Variants in DARS2 observed in about 807,000 individuals in gnomAD.
DARS2 encodes the protein aspartate--tRNA ligase, mitochondrial.
Under a neutral mutation model 83.0 loss-of-function variants are expected in DARS2, and 63 were observed. That is an observed-to-expected ratio of 0.76 (90% CI 0.62 to 0.94). The LOEUF (loss-of-function observed/expected upper bound fraction) is 0.94, where lower values mean the gene tolerates loss of function less well. Ranked by LOEUF, DARS2 falls within the 40% of genes least tolerant of loss-of-function variation. DARS2 has a pLI of 0.00. For missense variants in DARS2, 675 were observed against 774.4 expected (o/e 0.87, Z 1.52); for synonymous variants, 250 against 269.3 (o/e 0.93, Z 0.70).
chr1:173,826,235 A>G (rs570317179), intron 1 of DARS2, among the ~76,000 whole-genome samples: 2 of 152,232 alleles, frequency 1.3e-5, no homozygotes, highest in African/African-American at 4.8e-5. Flanking sequence ...AAAAAAAAAA[A>G]AAATCATTTT....
At chr1:173,836,180 A>G (rs1240696786) in intron 7 of DARS2, among the ~76,000 whole-genome samples, 2 of 152,094 alleles carry the variant, frequency 1.3e-5, no homozygotes, top group Non-Finnish European at 2.9e-5. Flanking sequence ...AGATTGTACC[A>G]TTGCACTCCA....
intron 7 of DARS2, among the ~76,000 whole-genome samples, chr1:173,834,793 T>C: frequency 7.1e-6 from 1 of 139,878 alleles, no homozygotes; most frequent in Non-Finnish European, 1.5e-5. Flanking sequence ...TTTTTTTTTT[T>C]TTTTTGAGAC....
intron 11 of DARS2, among the ~76,000 whole-genome samples, chr1:173,843,580 A>G (rs1330455725): frequency 6.6e-6 from 1 of 152,204 alleles, no homozygotes; most frequent in Non-Finnish European, 1.5e-5. Context: ...AAAGAATAAC[A>G]TGAACAATCC....
chr1:173,856,503 T>A (rs1169551341), intron 15 of DARS2, among the ~76,000 whole-genome samples, 163 bp from the exon 16 acceptor site: 2 of 152,260 alleles, frequency 1.3e-5, no homozygotes, highest in Admixed American at 1.3e-4. Flanking sequence ...TCACTTAAGG[T>A]AATTTTTTCT....
At chr1:173,832,573 AGCCTG>A (rs2102640305) in intron 5 of DARS2, among the ~76,000 whole-genome samples, 1 of 152,212 alleles carries the variant, frequency 6.6e-6, no homozygotes, top group African/African-American at 2.4e-5. Context: ...GTTCGAGACC[AGCCTG>A]GCCAATGTGG....
intron 3 of DARS2, among the ~76,000 whole-genome samples, chr1:173,829,204 A>AGT (rs10653648): frequency 0.37 from 55,580 of 148,258 alleles, 10,947 homozygotes; most frequent in East Asian, 0.59. Flanking sequence ...ATATACATTC[A>AGT]GTGTGTGTGT....
rs182101122 is a variant in DARS2, at chr1:173,848,190, C to G, written c.1192-2137C>G. On this transcript the variant is annotated intron_variant, in intron 12 of 16. Transcript: ENST00000649689. Reference sequence around the variant, plus strand: ...CTTTTCTGAGTTGAAGCCACCCATCCTGGATCCCAGGTTTTCCTCTTTCTT... The same window carrying G: ...CTTTTCTGAGTTGAAGCCACCCATCGTGGATCCCAGGTTTTCCTCTTTCTT... Among the ~76,000 whole-genome samples the G allele has an allele frequency of 3.2e-3, 493 of 152,270 alleles. 1 individual carries two copies. Among genetic ancestry groups the G allele is most frequent in the African/African-American group, 0.011 (456 of 41,560 alleles).
intron 12 of DARS2, among the ~76,000 whole-genome samples, chr1:173,849,861 C>CTTT (rs10558579): frequency 1.9e-4 from 21 of 109,952 alleles, no homozygotes; most frequent in African/African-American, 3.1e-4. Context: ...GTTGAAATGA[C>CTTT]TTTTTTTTTT....
Position 173,830,734 on chromosome 1 carries a change from T to C in DARS2, c.369T>C (p.Ile123=), listed in dbSNP as rs1015586186. The C allele has an allele frequency of 1.2e-6, 2 of 1,613,882 alleles. No homozygotes were observed. The highest frequency in any genetic ancestry group is 2.7e-5 in the African/African-American group (2 of 74,936). ...ESVVQVSGTV[I]SRPAGQENPK... Reference sequence around the variant, plus strand: ...TGGTGCAAGTGTCTGGTACAGTCATTTCCCGTCCTGCAGGACAAGAGAATC... The same window carrying C: ...TGGTGCAAGTGTCTGGTACAGTCATCTCCCGTCCTGCAGGACAAGAGAATC... Residue 123 remains isoleucine (I), a synonymous_variant, in exon 4 of 17, where the codon ATT becomes ATC. Transcript: ENST00000649689.
Position 173,828,314 on chromosome 1 carries a change from C to CGGG in DARS2, c.228-19_228-18insGGG. ...GATTTTATCTTAAAATGTTTCTTTT[C>CGGG]CCCCCCCCCATTAATCAGGCAAAAC... On this transcript the variant is annotated intron_variant, in intron 2 of 16. Coordinates refer to ENST00000649689, the MANE Select transcript of DARS2 (RefSeq NM_018122.5). 7.4e-6 allele frequency: 4 copies of CGGG among 541,752 alleles called. No individual in the cohort carries two copies. The highest frequency in any genetic ancestry group is 1.2e-5 in the Non-Finnish European group (4 of 330,404). The allele number at this position is 541,752 out of a possible 1,614,324, so 33.6% of individuals were successfully genotyped here. A position where few individuals can be genotyped will look rare whatever the true frequency, so the allele number is the denominator to read the frequency against.
chr1:173,832,133 G>C lies in DARS2; in HGVS notation c.492+503G>C, dbSNP rs17275074. On this transcript the variant is annotated intron_variant, in intron 5 of 16. Transcript: ENST00000649689. ...GAGCTGTACACTCATATGATTTTCAGCTTTGTCACAGTTTATAGACTTATA... is the reference window on the plus strand; with the variant it reads ...GAGCTGTACACTCATATGATTTTCACCTTTGTCACAGTTTATAGACTTATA... 9.9e-3 allele frequency among the ~76,000 whole-genome samples: 1,508 copies of C among 152,232 alleles called. 14 individuals are homozygous for C. Among genetic ancestry groups the C allele is most frequent in the Non-Finnish European group, 0.015 (993 of 68,014 alleles).
At chr1:173,832,501 T>G (rs1199761508) in intron 5 of DARS2, among the ~76,000 whole-genome samples, 1 of 152,136 alleles carries the variant, frequency 6.6e-6, no homozygotes, top group African/African-American at 2.4e-5. Context: ...CTGGGCATGG[T>G]GGCTCACACC....
intron 10 of DARS2, among the ~76,000 whole-genome samples, 163 bp downstream of exon 10, chr1:173,839,709 T>C (rs1029816167): frequency 6.6e-6 from 1 of 152,246 alleles, no homozygotes; most frequent in Non-Finnish European, 1.5e-5. Flanking sequence ...TAATAGCATG[T>C]TAGCAATACA....
rs752028936 is a variant in DARS2, at chr1:173,850,478, C to T, written c.1343C>T (p.Ala448Val). Residue 448 changes from alanine to valine, a missense_variant and splice_region_variant, in exon 13 of 17, where the codon GCA becomes GTA. By Grantham distance (64) the Ala-to-Val change is moderately conservative. Coordinates refer to ENST00000649689, the MANE Select transcript of DARS2 (RefSeq NM_018122.5). ...VLLTAGEHNK[A>V]CSLLGKLRLE... is the part of the protein sequence containing the mutation. ...CTAACTGCTGGAGAGCACAATAAAG[C>T]AGTAAGAAAAATTACTTCCAAGCAT... 10 of 1,613,578 alleles carry T rather than the reference C, an allele frequency of 6.2e-6. No individual in the cohort carries two copies. The highest frequency in any genetic ancestry group is 3.3e-5 in the Admixed American group (2 of 59,994).
chr1:173,850,287 A>AC, intron 12 of DARS2, 40 bp from the exon 13 acceptor site: 1 of 1,560,404 alleles, frequency 6.4e-7, no homozygotes, highest in Non-Finnish European at 8.6e-7. Context: ...ACTGTTCAAA[A>AC]AAAAAAAAAA....
intron 13 of DARS2, 121 bp downstream of exon 13, chr1:173,850,600 T>C: frequency 1.1e-6 from 1 of 942,744 alleles, no homozygotes; most frequent in Non-Finnish European, 1.5e-6. Flanking sequence ...CTGCTCTGCA[T>C]AAATCTTTTT....
chr1:173,851,012 TG>T (rs1385645455), intron 13 of DARS2, among the ~76,000 whole-genome samples: 3 of 151,694 alleles, frequency 2.0e-5, no homozygotes, highest in Admixed American at 2.0e-4. Context: ...CCGAGGTGGG[TG>T]GATCGCCTGA....
Position 173,831,648 on chromosome 1 carries a change from T to C in DARS2, c.492+18T>C. 2 of 1,571,308 alleles carry C rather than the reference T, an allele frequency of 1.3e-6. No individual in the cohort carries two copies. The highest frequency in any genetic ancestry group is 1.8e-6 in the Non-Finnish European group (2 of 1,140,948). On this transcript the variant is annotated intron_variant, in intron 5 of 16. Coordinates refer to ENST00000649689, the MANE Select transcript of DARS2 (RefSeq NM_018122.5). ...TCGTGAAGGTACCAACCTCTGTTAT[T>C]AATAAAATAGAGTATCTAGAAAATG...
At chr1:173,829,681 AG>A (rs1652722239) in intron 3 of DARS2, among the ~76,000 whole-genome samples, 1 of 151,902 alleles carries the variant, frequency 6.6e-6, no homozygotes, top group Admixed American at 6.6e-5. Flanking sequence ...AGGCTGAGGC[AG>A]GTGGATCTCG....
Sources: gnomAD v4.1 joint callset for allele counts (sites outside exome capture counted in the v4.1 genomes callset) on GRCh38, gnomAD v4.1.1 for gene constraint, MANE v1.5 for transcripts, NCBI Gene and HGNC (gene_info 2026-07-23, HGNC 2026-07-21) for gene names.